The following HTR1F variants were observed in gnomAD, a reference collection of about 807,000 sequenced individuals.
HTR1F encodes 5-hydroxytryptamine receptor 1F, also known as 5-hydroxytryptamine (serotonin) receptor 1F, G protein-coupled.
Under a neutral mutation model 24.0 loss-of-function variants are expected in HTR1F, and 17 were observed. That is an observed-to-expected ratio of 0.71 (90% CI 0.48 to 1.06). HTR1F has a LOEUF of 1.06. Ranked by LOEUF, HTR1F falls within the 50% of genes least tolerant of loss-of-function variation. The probability of loss-of-function intolerance (pLI) is 0.00; values close to 1 mark genes in which losing one functional copy is unlikely to be tolerated. For synonymous variants in HTR1F, 186 were observed against 156.8 expected, an observed-to-expected ratio of 1.19 and a Z score of -1.39; for missense variants, 391 against 427.8, an observed-to-expected ratio of 0.91 and a Z score of 0.76.
At chr3:87,960,883 C>T (rs1474876526) in intron 2 of HTR1F, among the ~76,000 whole-genome samples, 2 of 151,646 alleles carry the variant, frequency 1.3e-5, no homozygotes, top group Admixed American at 6.6e-5. Context: ...TGCTACTTTA[C>T]TCTTTAAGCC....
At chr3:87,893,853 G>T (rs759802270) in intron 2 of HTR1F, among the ~76,000 whole-genome samples, 1 of 152,180 alleles carries the variant, frequency 6.6e-6, no homozygotes, top group Non-Finnish European at 1.5e-5. Context: ...AAGTAAAGGT[G>T]CATATGCTTC....
intron 2 of HTR1F, among the ~76,000 whole-genome samples, chr3:87,965,739 T>G (rs986025967): frequency 1.3e-5 from 2 of 152,122 alleles, no homozygotes; most frequent in African/African-American, 4.8e-5. Context: ...AAGCACTAAT[T>G]TTAGATAGCT....
intron 2 of HTR1F, among the ~76,000 whole-genome samples, chr3:87,965,316 A>G (rs1341868474): frequency 6.6e-6 from 1 of 152,204 alleles, no homozygotes; most frequent in Non-Finnish European, 1.5e-5. Context: ...AGCGAGTAAT[A>G]TTCTACATTA....
At chr3:87,837,866 A>G (rs1704715690) in intron 2 of HTR1F, among the ~76,000 whole-genome samples, 1 of 152,016 alleles carries the variant, frequency 6.6e-6, no homozygotes, top group Non-Finnish European at 1.5e-5. Context: ...GTTACAGTAT[A>G]ATTATTATTG....
At chr3:87,972,525 T>C (rs1705306495) in intron 2 of HTR1F, among the ~76,000 whole-genome samples, 1 of 152,232 alleles carries the variant, frequency 6.6e-6, no homozygotes, top group Non-Finnish European at 1.5e-5. Flanking sequence ...TCAATCCAGA[T>C]CTGCCTTCTA....
intron 2 of HTR1F, among the ~76,000 whole-genome samples, chr3:87,951,166 G>T (rs76409240): frequency 0.011 from 1,666 of 152,098 alleles, 27 homozygotes; most frequent in African/African-American, 0.037. Context: ...GTGGATTCAG[G>T]TTATACATGA....
At chr3:87,879,486 T>C (rs1362103877) in intron 2 of HTR1F, among the ~76,000 whole-genome samples, 5 of 152,158 alleles carry the variant, frequency 3.3e-5, no homozygotes, top group African/African-American at 1.2e-4. Flanking sequence ...GGCAGTGCAT[T>C]AGCCAAGAAT....
intron 2 of HTR1F, among the ~76,000 whole-genome samples, chr3:87,857,082 A>G (rs1227372454): frequency 6.6e-6 from 1 of 152,046 alleles, no homozygotes; most frequent in East Asian, 1.9e-4. Flanking sequence ...GTTCTGTGAA[A>G]CCAAGAAATT....
intron 2 of HTR1F, among the ~76,000 whole-genome samples, chr3:87,844,058 G>C (rs1401627919): frequency 1.3e-5 from 2 of 148,730 alleles, no homozygotes; most frequent in East Asian, 2.0e-4. Context: ...TGGGATGGCT[G>C]GGTCAAATGG....
At chr3:87,948,979 C>T (rs1266857711) in intron 2 of HTR1F, among the ~76,000 whole-genome samples, 1 of 152,106 alleles carries the variant, frequency 6.6e-6, no homozygotes, top group African/African-American at 2.4e-5. Flanking sequence ...ATTTTCAGAT[C>T]AGTTTCATAA....
intron 2 of HTR1F, among the ~76,000 whole-genome samples, chr3:87,977,450 G>C (rs532437975): frequency 7.3e-6 from 1 of 137,830 alleles, no homozygotes; most frequent in Non-Finnish European, 1.5e-5. Flanking sequence ...CCAGGCTGGA[G>C]TGCAGTGGCT....
chr3:87,815,791 A>G (rs1704239896), intron 1 of HTR1F, among the ~76,000 whole-genome samples: 1 of 152,120 alleles, frequency 6.6e-6, no homozygotes, highest in Non-Finnish European at 1.5e-5. Context: ...TTCATATAGC[A>G]TATGGTAATG....
At chr3:87,986,426 T>C (rs1409005762) in intron 2 of HTR1F, among the ~76,000 whole-genome samples, 4 of 152,226 alleles carry the variant, frequency 2.6e-5, no homozygotes, top group Non-Finnish European at 5.9e-5. Context: ...ATATAAGTTA[T>C]GTGACAGATA....
intron 1 of HTR1F, among the ~76,000 whole-genome samples, chr3:87,815,175 A>T (rs1376950232): frequency 6.6e-6 from 1 of 152,108 alleles, no homozygotes; most frequent in Non-Finnish European, 1.5e-5. Flanking sequence ...CATGAAAGAA[A>T]ATAACTTTGG....
intron 2 of HTR1F, among the ~76,000 whole-genome samples, chr3:87,889,513 T>C (rs1369930885): frequency 2.0e-5 from 3 of 152,198 alleles, no homozygotes; most frequent in Non-Finnish European, 4.4e-5. Context: ...ACATCTCTTT[T>C]TTCCTCCAAA....
At position 87,943,171 on chromosome 3, in the gene HTR1F, G is replaced by T. The variant is rs190396467; in HGVS notation, c.-42-47537G>T. 2.2e-4 allele frequency among the ~76,000 whole-genome samples: 33 copies of T among 152,272 alleles called. No individual in the cohort carries two copies. In the East Asian group the frequency reaches 5.4e-3, roughly 25 times the overall value. On this transcript the variant is annotated intron_variant, in intron 2 of 2. Coordinates refer to ENST00000319595, the MANE Select transcript of HTR1F (RefSeq NM_001322209.2). Reference sequence around the variant, plus strand: ...CTGGCAACTGCCTGCTGGCCTGTGGGGAATCGTTCTCTTTCTTCTGTTGTC... The same window carrying T: ...CTGGCAACTGCCTGCTGGCCTGTGGTGAATCGTTCTCTTTCTTCTGTTGTC...
At chr3:87,889,585 G>C (rs1394555433) in intron 2 of HTR1F, among the ~76,000 whole-genome samples, 3 of 152,268 alleles carry the variant, frequency 2.0e-5, no homozygotes, top group Non-Finnish European at 4.4e-5. Flanking sequence ...ATCTGGGTTT[G>C]AGATGCTACA....
intron 2 of HTR1F, among the ~76,000 whole-genome samples, chr3:87,848,170 A>C (rs150100727): frequency 1.3e-5 from 2 of 152,004 alleles, no homozygotes; most frequent in East Asian, 3.9e-4. Flanking sequence ...CATCCTTGCC[A>C]TCATCTGTTA....
At chr3:87,830,502 C>A (rs943732843) in intron 2 of HTR1F, among the ~76,000 whole-genome samples, 4 of 152,184 alleles carry the variant, frequency 2.6e-5, no homozygotes, top group African/African-American at 9.7e-5. Flanking sequence ...TCATTATTCA[C>A]TATCTCATTT....
Sources: allele counts gnomAD v4.1 joint callset (sites outside exome capture counted in the v4.1 genomes callset), GRCh38; gene constraint gnomAD v4.1.1; transcripts MANE v1.5; gene names NCBI Gene and HGNC (gene_info 2026-07-23, HGNC 2026-07-21).